The following CENPI variants were observed in gnomAD, a reference collection of about 807,000 sequenced individuals.
CENPI encodes centromere protein I.
A neutral mutation model predicts 60.4 loss-of-function variants in CENPI; 4 were observed. The ratio of observed to expected loss-of-function variants is 0.07; its 90% CI spans 0.03 to 0.15. The LOEUF (loss-of-function observed/expected upper bound fraction) is 0.15, where lower values mean the gene tolerates loss of function less well. Ranked by LOEUF, CENPI falls within the 10% of genes least tolerant of loss-of-function variation. The probability of loss-of-function intolerance (pLI) is 1.00; values close to 1 mark genes in which losing one functional copy is unlikely to be tolerated. For missense variants in CENPI, 444 were observed against 534.5 expected, an observed-to-expected ratio of 0.83 and a Z score of 1.67; for synonymous variants, 157 against 189.4, an observed-to-expected ratio of 0.83 and a Z score of 1.40.
chrX:101,149,698 G>C (rs774203786), intron 20 of CENPI, among the ~76,000 whole-genome samples: 3 of 110,169 alleles, frequency 2.7e-5, no homozygotes, highest in East Asian at 5.7e-4. Context: ...GTAGAGACAG[G>C]GTTTTGCCAT....
intron 6 of CENPI, among the ~76,000 whole-genome samples, chrX:101,117,202 A>G (rs1469453106): frequency 9.0e-6 from 1 of 111,034 alleles, no homozygotes; most frequent in Non-Finnish European, 1.9e-5. Flanking sequence ...AGACATATAT[A>G]TATAATTTTT....
intron 15 of CENPI, among the ~76,000 whole-genome samples, chrX:101,136,641 A>G (rs1336682601): frequency 1.8e-5 from 2 of 111,864 alleles, no homozygotes; most frequent in Non-Finnish European, 1.9e-5. Context: ...CCTATCAGCA[A>G]ACAACTTATT....
downstream of CENPI, among the ~76,000 whole-genome samples, chrX:101,166,652 A>G (rs761197645): frequency 8.9e-6 from 1 of 112,965 alleles, no homozygotes; most frequent in East Asian, 2.8e-4. Flanking sequence ...TGCAGTTGTA[A>G]AAAAGTATTT....
the CENPI span, among the ~76,000 whole-genome samples, chrX:101,178,603 G>A: frequency 2.7e-5 from 3 of 109,166 alleles, no homozygotes; most frequent in Non-Finnish European, 5.7e-5. Context: ...TAGAAATGGG[G>A]TTTCACCATG....
chrX:101,106,166 G>A (rs2144767), intron 4 of CENPI, among the ~76,000 whole-genome samples: 32,295 of 110,738 alleles, frequency 0.29, 3,726 homozygotes, highest in Middle Eastern at 0.46. Context: ...CACATGTAAT[G>A]TGTTGGTGGT....
chrX:101,108,967 T>C (rs1029450973), intron 4 of CENPI, among the ~76,000 whole-genome samples: 9 of 110,778 alleles, frequency 8.1e-5, no homozygotes, highest in African/African-American at 3.0e-4. Flanking sequence ...TGTATATTAG[T>C]AGTTAAAGGT....
intron 20 of CENPI, among the ~76,000 whole-genome samples, chrX:101,150,653 C>T (rs1012036331): frequency 9.1e-6 from 1 of 110,405 alleles, no homozygotes; most frequent in African/African-American, 3.3e-5. Context: ...TAAAGGTGTG[C>T]GCCACTGTGC....
At position 101,145,115 on chromosome X, in the gene CENPI, T is replaced by C. The variant is rs2089951659; in HGVS notation, c.1617T>C (p.Tyr539=). 1 of 1,202,453 alleles carries C rather than the reference T, an allele frequency of 8.3e-7. No homozygotes were observed. Among genetic ancestry groups the C allele is most frequent in the Non-Finnish European group, 1.1e-6 (1 of 888,316 alleles). The change falls in exon 17 of 22, where the codon TAT becomes TAC. Residue 539 remains tyrosine, a synonymous_variant. Coordinates refer to ENST00000682095, the MANE Select transcript of CENPI (RefSeq NM_001386188.2). ...SMNSVSKLIH[Y]VGWLSTTAMR... is the part of the protein sequence containing the mutation. ...ACTCTGTGTCTAAACTGATCCACTA[T>C]GTAGGGTGGCTATCCACTACTGCAA... is the stretch of plus-strand genomic sequence containing the variant.
chrX:101,151,870 A>G (rs947392900), intron 20 of CENPI, among the ~76,000 whole-genome samples: 40 of 109,435 alleles, frequency 3.7e-4, no homozygotes, highest in African/African-American at 1.3e-3. Flanking sequence ...AGAACAACAA[A>G]AAACAAATAT....
intron 4 of CENPI, among the ~76,000 whole-genome samples, chrX:101,104,758 T>C (rs1415953329): frequency 9.3e-6 from 1 of 108,077 alleles, no homozygotes; most frequent in African/African-American, 3.4e-5. Flanking sequence ...TACTTGGGAG[T>C]CTGAGGCAAG....
chrX:101,110,896 C>G (rs1318201469), intron 6 of CENPI, among the ~76,000 whole-genome samples: 1 of 111,446 alleles, frequency 9.0e-6, no homozygotes, highest in Non-Finnish European at 1.9e-5. Context: ...TGAGCTGGGC[C>G]TTACAGGTTG....
intron 1 of CENPI, 43 bp from the exon 2 acceptor site, chrX:101,098,401 A>C (rs2089371022): frequency 9.0e-6 from 1 of 111,270 alleles, no homozygotes; most frequent in South Asian, 3.8e-4. Context: ...GGATGGTTCA[A>C]CTGGGTGGGG....
chrX:101,171,831 G>A, the CENPI span, among the ~76,000 whole-genome samples: 1 of 111,441 alleles, frequency 9.0e-6, no homozygotes, highest in South Asian at 3.8e-4. Flanking sequence ...ATACATAACA[G>A]AAAAAAATGA....
chrX:101,103,706 T>G (rs919420708), intron 4 of CENPI, among the ~76,000 whole-genome samples: 1 of 112,313 alleles, frequency 8.9e-6, no homozygotes, highest in African/African-American at 3.2e-5. Context: ...TTTACTGTTC[T>G]CTTCATAAGA....
chrX:101,124,060 T>A (rs1305742611), intron 8 of CENPI, among the ~76,000 whole-genome samples: 1 of 109,596 alleles, frequency 9.1e-6, no homozygotes, highest in Non-Finnish European at 1.9e-5. Flanking sequence ...TCCTGTCTTA[T>A]GTGGTTGCAC....
rs1026614223 is a variant in CENPI, at chrX:101,109,572, A to G, written c.464A>G (p.Lys155Arg). The change falls in exon 5 of 22, where the codon AAG (lysine) becomes AGG (arginine). Residue 155 changes from lysine to arginine, a missense_variant. Transcript: ENST00000682095. ...GCAGTCTCCTGGCTTTGTGTTGGCA[A>G]GTGTTCTGGTAGCACCAAGGTAATC... ...VKAVSWLCVGKCSGSTKVLFY... is the reference protein window; with the variant it reads ...VKAVSWLCVGRCSGSTKVLFY... The G allele has an allele frequency of 3.3e-6, 4 of 1,195,363 alleles. No homozygotes were observed. Among genetic ancestry groups the G allele is most frequent in the Non-Finnish European group, 4.5e-6 (4 of 880,557 alleles).
the CENPI span, among the ~76,000 whole-genome samples, chrX:101,178,118 G>T: frequency 9.0e-6 from 1 of 111,172 alleles, no homozygotes; most frequent in Admixed American, 9.5e-5. Flanking sequence ...GATCACTGGG[G>T]GTCACTCACA....
chrX:101,158,677 C>G (rs1471149588), intron 20 of CENPI, among the ~76,000 whole-genome samples: 2 of 107,900 alleles, frequency 1.9e-5, no homozygotes, highest in African/African-American at 6.8e-5. Flanking sequence ...GGCACCCATG[C>G]TGGAGTGCAG....
intron 6 of CENPI, among the ~76,000 whole-genome samples, chrX:101,118,914 C>T (rs5921729): frequency 0.15 from 17,008 of 111,165 alleles, 1,202 homozygotes; most frequent in Non-Finnish European, 0.22. Flanking sequence ...GGTGTGGTGG[C>T]GCACACCTGT....
Sources: allele counts gnomAD v4.1 joint callset (sites outside exome capture counted in the v4.1 genomes callset), GRCh38; gene constraint gnomAD v4.1.1; transcripts MANE v1.5; gene names NCBI Gene and HGNC (gene_info 2026-07-23, HGNC 2026-07-21).